The following TDRD9 variants were observed in gnomAD, a reference collection of about 807,000 sequenced individuals.
TDRD9 encodes ATP-dependent RNA helicase TDRD9.
Under a neutral mutation model 172.6 loss-of-function variants are expected in TDRD9, and 124 were observed. The observed-to-expected ratio is 0.72, with a 90% confidence interval of 0.62 to 0.83. The LOEUF is 0.83. TDRD9 is among the 40% of genes least tolerant of loss of function. TDRD9 has a pLI of 0.00. For missense variants in TDRD9, 1,479 were observed against 1,714.1 expected (o/e 0.86, Z 2.42); for synonymous variants, 619 against 617.1 (o/e 1.00, Z -0.05).
At chr14:103,963,290 T>C in intron 3 of TDRD9, 114 bp downstream of exon 3, 5 of 712,232 alleles carry the variant, frequency 7.0e-6, no homozygotes, top group South Asian at 6.1e-5. Flanking sequence ...TTCTGTGGTG[T>C]ACAAGGTTCT....
At chr14:103,962,052 G>A (rs1453911979) in intron 2 of TDRD9, among the ~76,000 whole-genome samples, 1 of 152,154 alleles carries the variant, frequency 6.6e-6, no homozygotes, top group Non-Finnish European at 1.5e-5. Flanking sequence ...TTGATGATTT[G>A]CCAGTTTGTC....
chr14:104,045,547 GTCT>G (rs2035747118), intron 34 of TDRD9, among the ~76,000 whole-genome samples: 1 of 152,160 alleles, frequency 6.6e-6, no homozygotes, highest in East Asian at 1.9e-4. Flanking sequence ...TGTGTAGCTT[GTCT>G]TCTTATTTTA....
At chr14:103,938,428 A>AT (rs1566723213) in intron 1 of TDRD9, among the ~76,000 whole-genome samples, 3 of 43,480 alleles carry the variant, frequency 6.9e-5, no homozygotes, top group African/African-American at 3.0e-4. Flanking sequence ...ATATATATAT[A>AT]TATATATATA....
At chr14:104,001,039 GA>G (rs1338830654) in intron 13 of TDRD9, among the ~76,000 whole-genome samples, 1 of 152,148 alleles carries the variant, frequency 6.6e-6, no homozygotes, top group Admixed American at 6.5e-5. Context: ...AGTCAACCAG[GA>G]AATTGACATA....
chr14:103,944,333 G>GT (rs1452531941), intron 1 of TDRD9, among the ~76,000 whole-genome samples: 2 of 152,100 alleles, frequency 1.3e-5, no homozygotes, highest in African/African-American at 4.8e-5. Context: ...TGGTTCAACT[G>GT]TTTTTTCTCT....
At chr14:103,951,909 G>A (rs1033279377) in intron 1 of TDRD9, among the ~76,000 whole-genome samples, 5 of 151,530 alleles carry the variant, frequency 3.3e-5, no homozygotes, top group Non-Finnish European at 7.4e-5. Flanking sequence ...TGGGACCACA[G>A]GCGCCCGCCA....
intron 20 of TDRD9, among the ~76,000 whole-genome samples, chr14:104,009,693 C>T (rs1001710135): frequency 3.3e-5 from 5 of 152,114 alleles, no homozygotes; most frequent in African/African-American, 1.2e-4. Flanking sequence ...TAGCTTAAAA[C>T]ACAAACATTG....
At chr14:104,001,537 C>G (rs2034261603) in intron 13 of TDRD9, among the ~76,000 whole-genome samples, 1 of 152,100 alleles carries the variant, frequency 6.6e-6, no homozygotes, top group African/African-American at 2.4e-5. Flanking sequence ...TTTGTGTGGC[C>G]ATAAGTTTTC....
At chr14:104,019,674 G>A (rs2034894685) in intron 23 of TDRD9, among the ~76,000 whole-genome samples, 1 of 152,210 alleles carries the variant, frequency 6.6e-6, no homozygotes, top group Admixed American at 6.5e-5. Flanking sequence ...GAGCAGGGGT[G>A]ACTTCATGTA....
intron 1 of TDRD9, among the ~76,000 whole-genome samples, chr14:103,933,004 A>G (rs1355165223): frequency 6.6e-6 from 1 of 152,180 alleles, no homozygotes; most frequent in Admixed American, 6.5e-5. Context: ...AATCTTGCTC[A>G]TGCTGAAGGT....
chr14:103,979,472 T>A (rs1459929580), intron 7 of TDRD9, among the ~76,000 whole-genome samples: 1 of 152,180 alleles, frequency 6.6e-6, no homozygotes, highest in African/African-American at 2.4e-5. Context: ...GATCACATGG[T>A]GAGACTGGAA....
intron 19 of TDRD9, among the ~76,000 whole-genome samples, chr14:104,007,767 G>A (rs894639813): frequency 6.6e-6 from 1 of 151,558 alleles, no homozygotes; most frequent in African/African-American, 2.4e-5. Flanking sequence ...ACATATATGA[G>A]TTAGGTGTTT....
intron 2 of TDRD9, among the ~76,000 whole-genome samples, chr14:103,956,166 G>T (rs923989302): frequency 8.4e-6 from 1 of 118,958 alleles, no homozygotes; most frequent in Admixed American, 9.6e-5. Context: ...TAGGCCAGGC[G>T]CAGTGGCTCA....
intron 2 of TDRD9, among the ~76,000 whole-genome samples, chr14:103,961,553 ACT>A (rs2032510136): frequency 6.6e-6 from 1 of 151,118 alleles, no homozygotes; most frequent in African/African-American, 2.4e-5. Flanking sequence ...ACAGAGCAAG[ACT>A]CTGTCCAGAA....
In TDRD9 at chr14:104,026,930, C is replaced by T. The variant is rs766385749; in HGVS notation, c.3273C>T (p.Tyr1091=). ...QGYAELTEES[Y]ESKQSHEVLK... Reference sequence around the variant, plus strand: ...ATGCCGAGCTCACGGAGGAGTCCTACGAGTCCAAGGTGTGTGCTTTCGCCG... The same window carrying T: ...ATGCCGAGCTCACGGAGGAGTCCTATGAGTCCAAGGTGTGTGCTTTCGCCG... Residue 1091 remains tyrosine (Y), a synonymous_variant, in exon 28 of 36, where the codon TAC becomes TAT. Coordinates refer to ENST00000409874, the MANE Select transcript of TDRD9 (RefSeq NM_153046.3). The T allele has an allele frequency of 3.7e-6, 6 of 1,613,646 alleles. No homozygotes were observed. The highest frequency in any genetic ancestry group is 1.7e-5 in the Admixed American group (1 of 59,984).
chr14:103,961,907 T>C (rs2152140466), intron 2 of TDRD9, among the ~76,000 whole-genome samples: 1 of 152,304 alleles, frequency 6.6e-6, no homozygotes, highest in East Asian at 1.9e-4. Context: ...CAGGAGATGC[T>C]GGTCAGAAAC....
intron 32 of TDRD9, among the ~76,000 whole-genome samples, chr14:104,037,403 A>G (rs2035484255): frequency 6.6e-6 from 1 of 152,120 alleles, no homozygotes; most frequent in African/African-American, 2.4e-5. Flanking sequence ...CCCTTGTTAA[A>G]CGCGAAGCTT....
Position 104,005,289 on chromosome 14 carries a change from A to G in TDRD9, c.1597A>G (p.Ser533Gly), listed in dbSNP as rs1380215870. Residue 533 changes from serine to glycine, a missense_variant, in exon 15 of 36, where the codon AGC (serine) becomes GGC (glycine). Around this residue, in one of 3 missense-constraint regions of TDRD9, gnomAD observed 1,413 missense variants for 1,649.1 expected, o/e 0.86. Coordinates refer to ENST00000409874, the MANE Select transcript of TDRD9 (RefSeq NM_153046.3). ...VPEMLRCPLG[S>G]TILKVKLLDM... ...TTCTTTTCAGCGTTGTCCATTAGGA[A>G]GCACGATCTTGAAAGTGAAATTACT... is the stretch of plus-strand genomic sequence containing the variant. 3 of 1,613,932 alleles carry G rather than the reference A, an allele frequency of 1.9e-6. No homozygotes were observed. The highest frequency in any genetic ancestry group is 4.5e-5 in the East Asian group (2 of 44,880).
intron 1 of TDRD9, among the ~76,000 whole-genome samples, chr14:103,952,190 G>GTATATATA (rs1566734586): frequency 0.011 from 609 of 55,304 alleles, 6 homozygotes; most frequent in Non-Finnish European, 0.014. Context: ...GCGTGTGTGT[G>GTATATATA]TATATATATA....
Sources: gnomAD v4.1 joint callset for allele counts (sites outside exome capture counted in the v4.1 genomes callset) on GRCh38, gnomAD v4.1.1 for gene constraint, gnomAD v4.1.1 regional missense constraint, MANE v1.5 for transcripts, NCBI Gene and HGNC (gene_info 2026-07-23, HGNC 2026-07-21) for gene names.